Variants in MYCBP2 observed in about 807,000 individuals in gnomAD.
The protein encoded by MYCBP2 is E3 ubiquitin-protein ligase MYCBP2.
MYCBP2 carries 120 observed loss-of-function variants against 525.3 expected under a neutral mutation model. The observed-to-expected ratio is 0.23, with a 90% CI of 0.20 to 0.27. MYCBP2 has a LOEUF of 0.27. Among genes scored for constraint, MYCBP2 ranks in the 10% least tolerant of loss-of-function variants. The probability of loss-of-function intolerance (pLI) is 1.00; values close to 1 mark genes in which losing one functional copy is unlikely to be tolerated. For synonymous variants in MYCBP2, 1,894 were observed against 1,955.8 expected, an observed-to-expected ratio of 0.97 and a Z score of 0.83; for missense variants, 4,149 against 5,657.1, an observed-to-expected ratio of 0.73 and a Z score of 8.55.
At chr13:77,125,088 A>G (rs570764780) in intron 54 of MYCBP2, among the ~76,000 whole-genome samples, 28 of 152,342 alleles carry the variant, frequency 1.8e-4, no homozygotes, top group African/African-American at 6.7e-4. Context: ...AATGAAATTA[A>G]AAGCCTGTTT....
chr13:77,283,103 A>C (rs926770883), intron 3 of MYCBP2, among the ~76,000 whole-genome samples: 1 of 152,200 alleles, frequency 6.6e-6, no homozygotes, highest in Non-Finnish European at 1.5e-5. Context: ...ACTGGAGTAC[A>C]AAGTTACTCC....
chr13:77,128,584 TTAA>T (rs1448118833), intron 52 of MYCBP2, among the ~76,000 whole-genome samples: 1 of 151,894 alleles, frequency 6.6e-6, no homozygotes, highest in African/African-American at 2.4e-5. Flanking sequence ...TAAAACTATA[TTAA>T]TAAGTATAAA....
intron 2 of MYCBP2, among the ~76,000 whole-genome samples, chr13:77,289,320 T>C (rs2154360217): frequency 6.6e-6 from 1 of 152,206 alleles, no homozygotes; most frequent in Non-Finnish European, 1.5e-5. Flanking sequence ...TCCAGAGATA[T>C]TACAAGTATT....
intron 55 of MYCBP2, among the ~76,000 whole-genome samples, chr13:77,115,549 T>C (rs1274254827): frequency 2.0e-5 from 3 of 151,886 alleles, no homozygotes; most frequent in African/African-American, 4.8e-5. Context: ...ATAATTTTGC[T>C]AATTTAAAAA....
intron 54 of MYCBP2, 83 bp downstream of exon 54, chr13:77,125,253 T>C (rs1332250272): frequency 6.7e-7 from 1 of 1,497,412 alleles, no homozygotes; most frequent in East Asian, 2.3e-5. Flanking sequence ...AAAAACTCTT[T>C]AAAACAAAAG....
chr13:77,206,035 G>A (rs958498370), intron 24 of MYCBP2, among the ~76,000 whole-genome samples: 6 of 152,160 alleles, frequency 3.9e-5, no homozygotes, highest in Non-Finnish European at 8.8e-5. Flanking sequence ...TTTATGATAT[G>A]GTAATTATAT....
In MYCBP2 at chr13:77,174,298, T is replaced by C. The variant is rs117842808; in HGVS notation, c.5651+13A>G. ...CTGTAAAGTATTTCCGTTATCTCTA[T>C]ACATTCACCCACCTATAGTAGAGTA... On this transcript the variant is annotated intron_variant, in intron 37 of 82. Transcript: ENST00000544440. The C allele has an allele frequency of 0.019, 29,965 of 1,612,766 alleles. 330 individuals are homozygous for C. The highest frequency in any genetic ancestry group is 0.022 in the Non-Finnish European group (26,105 of 1,178,810).
chr13:77,314,860 G>T (rs1462668656), intron 1 of MYCBP2, among the ~76,000 whole-genome samples: 4 of 152,072 alleles, frequency 2.6e-5, no homozygotes, highest in Non-Finnish European at 5.9e-5. Flanking sequence ...GTGAGTGGGG[G>T]AAAGGGATAG....
intron 21 of MYCBP2, among the ~76,000 whole-genome samples, chr13:77,214,854 T>C (rs148440093): frequency 1.4e-3 from 216 of 152,316 alleles, no homozygotes; most frequent in African/African-American, 5.0e-3. Context: ...AAAGTACTTA[T>C]TATAATCTTA....
chr13:77,121,560 G>C, intron 54 of MYCBP2, 65 bp from the exon 55 acceptor site: 1 of 1,375,072 alleles, frequency 7.3e-7, no homozygotes, highest in Non-Finnish European at 9.5e-7. Context: ...ATACAACAAA[G>C]AGAGAAAATT....
chr13:77,292,986 A>G (rs902329260), intron 2 of MYCBP2, among the ~76,000 whole-genome samples: 8 of 151,622 alleles, frequency 5.3e-5, no homozygotes, highest in African/African-American at 1.5e-4. Flanking sequence ...AAGAAAGAAA[A>G]AAAAAGAAAA....
intron 32 of MYCBP2, among the ~76,000 whole-genome samples, 161 bp downstream of exon 32, chr13:77,184,942 A>T (rs963132543): frequency 1.3e-5 from 2 of 152,264 alleles, no homozygotes; most frequent in African/African-American, 4.8e-5. Context: ...AAGCAGATTT[A>T]AAAAATTTTA....
chr13:77,121,735 A>G (rs1390673844), intron 54 of MYCBP2, among the ~76,000 whole-genome samples: 1 of 152,232 alleles, frequency 6.6e-6, no homozygotes, highest in African/African-American at 2.4e-5. Flanking sequence ...GCTCTTATGA[A>G]GCCAATTTAC....
intron 20 of MYCBP2, among the ~76,000 whole-genome samples, chr13:77,222,363 CTCT>C (rs2065710558): frequency 6.6e-6 from 1 of 151,864 alleles, no homozygotes; most frequent in African/African-American, 2.4e-5. Context: ...TTTTACAAAC[CTCT>C]TGATAGTAGT....
intron 4 of MYCBP2, among the ~76,000 whole-genome samples, chr13:77,275,667 T>C (rs531789896): frequency 6.6e-6 from 1 of 152,060 alleles, no homozygotes; most frequent in South Asian, 2.1e-4. Flanking sequence ...TAAAGATAAA[T>C]AAATAAAAAA....
chr13:77,313,457 C>A (rs973246474), intron 1 of MYCBP2, among the ~76,000 whole-genome samples: 1 of 151,934 alleles, frequency 6.6e-6, no homozygotes, highest in African/African-American at 2.4e-5. Flanking sequence ...TAGAAACAAA[C>A]CTTACACCCT....
chr13:77,102,565 A>G (rs189845799), intron 55 of MYCBP2, among the ~76,000 whole-genome samples: 4 of 151,672 alleles, frequency 2.6e-5, no homozygotes, highest in Admixed American at 2.6e-4. Context: ...CAAAAAACCA[A>G]AAACATATTT....
At chr13:77,209,304 T>C (rs1356434909) in intron 23 of MYCBP2, among the ~76,000 whole-genome samples, 3 of 152,232 alleles carry the variant, frequency 2.0e-5, no homozygotes, top group African/African-American at 7.2e-5. Flanking sequence ...GTTTTTACTG[T>C]TACGCTTAGT....
chr13:77,264,108 T>A (rs1567093420), intron 8 of MYCBP2, 106 bp from the exon 9 acceptor site: 3 of 764,710 alleles, frequency 3.9e-6, no homozygotes, highest in East Asian at 2.8e-5. Flanking sequence ...GCAATAAGGA[T>A]AAACTCAAAA....
Sources: allele counts gnomAD v4.1 joint callset (sites outside exome capture counted in the v4.1 genomes callset), GRCh38; gene constraint gnomAD v4.1.1; transcripts MANE v1.5; gene names NCBI Gene and HGNC (gene_info 2026-07-23, HGNC 2026-07-21).